The following ZBTB7C variants were observed in gnomAD, a reference collection of about 807,000 sequenced individuals.
ZBTB7C encodes the protein zinc finger and BTB domain-containing protein 7C.
A neutral mutation model predicts 25.7 loss-of-function variants in ZBTB7C; 8 were observed. The ratio of observed to expected loss-of-function variants is 0.31; its 90% CI spans 0.18 to 0.56. The LOEUF (loss-of-function observed/expected upper bound fraction) is 0.56. ZBTB7C is among the 20% of genes least tolerant of loss of function. ZBTB7C has a pLI of 0.91. For synonymous variants in ZBTB7C, 394 were observed against 369.0 expected, an observed-to-expected ratio of 1.07 and a Z score of -0.78; for missense variants, 824 against 855.2, an observed-to-expected ratio of 0.96 and a Z score of 0.46.
In ZBTB7C at chr18:48,202,340, C is replaced by T. The variant is rs559066802; in HGVS notation, c.-78-16345G>A. Among the ~76,000 whole-genome samples, 20 of 151,986 alleles carry T rather than the reference C, an allele frequency of 1.3e-4. No individual in the cohort carries two copies. In the East Asian group the frequency reaches 2.1e-3, roughly 16 times the overall value. On this transcript the variant is annotated intron_variant, in intron 2 of 4. Coordinates refer to ENST00000590800, the MANE Select transcript of ZBTB7C (RefSeq NM_001318841.2). ...GCGGGGGCTGCTGAGTCCAAGAGGTCGCGAGGGATTAGAGATGGAACTCAG... is the reference window on the plus strand; with the variant it reads ...GCGGGGGCTGCTGAGTCCAAGAGGTTGCGAGGGATTAGAGATGGAACTCAG...
chr18:48,099,291 A>G (rs1270859314), intron 3 of ZBTB7C, among the ~76,000 whole-genome samples: 1 of 152,252 alleles, frequency 6.6e-6, no homozygotes, highest in Non-Finnish European at 1.5e-5. Flanking sequence ...TCTCCAAAGG[A>G]AAGAAAATGT....
chr18:48,405,152 C>T (rs1295039027), intron 1 of ZBTB7C, among the ~76,000 whole-genome samples: 3 of 147,460 alleles, frequency 2.0e-5, no homozygotes, highest in East Asian at 2.1e-4. Flanking sequence ...AAAATCTGTT[C>T]GGCCTCAGGG....
chr18:48,072,510 G>C (rs529396242), intron 3 of ZBTB7C: 1 of 152,290 alleles, frequency 6.6e-6, no homozygotes, highest in Admixed American at 6.5e-5. Flanking sequence ...TCCTGAAGGA[G>C]GGCCGCCAGC....
intron 3 of ZBTB7C, among the ~76,000 whole-genome samples, chr18:48,093,241 G>A (rs1272033059): frequency 2.0e-5 from 3 of 152,188 alleles, no homozygotes; most frequent in Admixed American, 2.0e-4. Flanking sequence ...TGGTGGTAGG[G>A]GGAAGATACC....
chr18:48,257,593 C>T (rs1309301399), intron 2 of ZBTB7C, among the ~76,000 whole-genome samples: 1 of 152,026 alleles, frequency 6.6e-6, no homozygotes, highest in Non-Finnish European at 1.5e-5. Context: ...CCAGACAAAA[C>T]ATTACAAGAA....
At chr18:48,227,474 G>A (rs980509410) in intron 2 of ZBTB7C, among the ~76,000 whole-genome samples, 3 of 152,188 alleles carry the variant, frequency 2.0e-5, no homozygotes, top group Admixed American at 6.5e-5. Flanking sequence ...TACTTGGAAC[G>A]GCCTCCGCCC....
chr18:48,328,670 T>C (rs1352129053), intron 2 of ZBTB7C, among the ~76,000 whole-genome samples: 2 of 152,144 alleles, frequency 1.3e-5, no homozygotes, highest in Non-Finnish European at 2.9e-5. Flanking sequence ...ATGGCAAAGC[T>C]GGGCTGGAAC....
chr18:48,202,488 T>C (rs1001441689), intron 2 of ZBTB7C, among the ~76,000 whole-genome samples: 2 of 60,502 alleles, frequency 3.3e-5, no homozygotes, highest in Non-Finnish European at 3.2e-5. Context: ...GGGCGGGGGG[T>C]GGCTGGCAGG....
chr18:48,087,371 A>G (rs1220077653), intron 3 of ZBTB7C, among the ~76,000 whole-genome samples: 1 of 152,226 alleles, frequency 6.6e-6, no homozygotes, highest in Non-Finnish European at 1.5e-5. Context: ...AGGGCCAGGG[A>G]GACTTACAGA....
intron 2 of ZBTB7C, among the ~76,000 whole-genome samples, chr18:48,327,565 A>G (rs1035464176): frequency 3.9e-5 from 6 of 152,108 alleles, no homozygotes; most frequent in African/African-American, 1.4e-4. Flanking sequence ...CCCAGTCTCG[A>G]TCCCAGCTTT....
rs181916152 is a variant in ZBTB7C at position 48,121,693 on chromosome 18, T to C, written c.-17+64241A>G. On this transcript the variant is annotated intron_variant, in intron 3 of 4. Coordinates refer to ENST00000590800, the MANE Select transcript of ZBTB7C (RefSeq NM_001318841.2). Reference sequence around the variant, plus strand: ...GATTGAATGAGAGGCTGGGTACAGGTAGGAGATGGCAAGACTGATGGTGTG... The same window carrying C: ...GATTGAATGAGAGGCTGGGTACAGGCAGGAGATGGCAAGACTGATGGTGTG... 2.8e-3 allele frequency among the ~76,000 whole-genome samples: 430 copies of C among 152,176 alleles called. 2 individuals carry two copies. The highest frequency in any genetic ancestry group is 0.01 in the African/African-American group (420 of 41,526).
intron 1 of ZBTB7C, among the ~76,000 whole-genome samples, chr18:48,345,758 C>A (rs546376526): frequency 6.6e-6 from 1 of 152,362 alleles, no homozygotes; most frequent in Admixed American, 6.5e-5. Context: ...GTGTCTGGCC[C>A]CAGCCCTGCT....
chr18:48,271,203 C>G (rs1043492091), intron 2 of ZBTB7C, among the ~76,000 whole-genome samples: 2 of 152,060 alleles, frequency 1.3e-5, no homozygotes, highest in Non-Finnish European at 2.9e-5. Flanking sequence ...CAAACTGTCT[C>G]AGAGAATAGA....
At chr18:48,233,746 A>G (rs899074492) in intron 2 of ZBTB7C, among the ~76,000 whole-genome samples, 13 of 152,226 alleles carry the variant, frequency 8.5e-5, no homozygotes, top group African/African-American at 3.1e-4. Flanking sequence ...GATAGGTCCC[A>G]TATTCATCTG....
Position 48,389,112 on chromosome 18 carries a change from T to C in ZBTB7C, c.-304+20114A>G, listed in dbSNP as rs191703032. On this transcript the variant is annotated intron_variant, in intron 1 of 4. Coordinates refer to ENST00000590800, the MANE Select transcript of ZBTB7C (RefSeq NM_001318841.2). ...CTGAACTAATGTGGAAGCCTCGGGC[T>C]GTGAGTAGCAGGGTAACTGCAGGCT... is the stretch of plus-strand genomic sequence containing the variant. 1.7e-3 allele frequency among the ~76,000 whole-genome samples: 261 copies of C among 152,238 alleles called. 1 individual carries two copies. Among genetic ancestry groups the C allele is most frequent in the Non-Finnish European group, 2.7e-3 (184 of 68,010 alleles).
At chr18:48,389,235 T>C in intron 1 of ZBTB7C, among the ~76,000 whole-genome samples, 1 of 52,228 alleles carries the variant, frequency 1.9e-5, no homozygotes, top group South Asian at 9.4e-4. Context: ...TCTCTCTCTC[T>C]CGTGTGTGTG....
intron 3 of ZBTB7C, among the ~76,000 whole-genome samples, chr18:48,058,610 T>G (rs2037007612): frequency 6.6e-6 from 1 of 152,216 alleles, no homozygotes; most frequent in Non-Finnish European, 1.5e-5. Context: ...CTATGTGACT[T>G]CAGAGAGTGG....
intron 2 of ZBTB7C, among the ~76,000 whole-genome samples, chr18:48,251,772 G>A (rs1392077240): frequency 2.0e-5 from 3 of 152,098 alleles, no homozygotes; most frequent in Admixed American, 1.3e-4. Flanking sequence ...CAATCTCTGC[G>A]GCCCTATGTG....
At chr18:48,235,416 G>A (rs2145368140) in intron 2 of ZBTB7C, among the ~76,000 whole-genome samples, 1 of 152,232 alleles carries the variant, frequency 6.6e-6, no homozygotes, top group South Asian at 2.1e-4. Flanking sequence ...ATCAAGGACT[G>A]TAGAGCACTT....
Sources: gnomAD v4.1 joint callset for allele counts (sites outside exome capture counted in the v4.1 genomes callset) on GRCh38, gnomAD v4.1.1 for gene constraint, MANE v1.5 for transcripts, NCBI Gene and HGNC (gene_info 2026-07-23, HGNC 2026-07-21) for gene names.